DMC1: variants seen among roughly 807,000 people sequenced by gnomAD.
DMC1 encodes the protein DNA meiotic recombinase 1, also known as meiotic recombination protein DMC1 homolog.
DMC1 carries 27 observed loss-of-function variants against 50.1 expected under a neutral mutation model. That is an observed-to-expected ratio of 0.54 (90% CI 0.40 to 0.74). DMC1 has a LOEUF of 0.74. DMC1 is among the 30% of genes least tolerant of loss of function. DMC1 has a pLI of 0.00. For missense variants in DMC1, 295 were observed against 420.2 expected (o/e 0.70, Z 2.60); for synonymous variants, 148 against 136.1 (o/e 1.09, Z -0.61).
chr22:38,532,219 A>C (rs1302149892), intron 12 of DMC1, among the ~76,000 whole-genome samples: 1 of 152,240 alleles, frequency 6.6e-6, no homozygotes, highest in East Asian at 1.9e-4. Flanking sequence ...CCCATAAAAC[A>C]GAGATGATTG....
chr22:38,529,003 ATTTCTTTC>A (rs968824748), intron 12 of DMC1, among the ~76,000 whole-genome samples: 1 of 150,860 alleles, frequency 6.6e-6, no homozygotes, highest in African/African-American at 2.4e-5. Flanking sequence ...ATTTTCTTCT[ATTTCTTTC>A]TTTCTTTCTT....
intron 12 of DMC1, among the ~76,000 whole-genome samples, chr22:38,536,334 TAG>T (rs2090212599): frequency 6.6e-6 from 1 of 152,186 alleles, no homozygotes; most frequent in Non-Finnish European, 1.5e-5. Context: ...GGTGTGTATT[TAG>T]GATTATTTTG....
intron 12 of DMC1, among the ~76,000 whole-genome samples, chr22:38,526,530 C>G (rs906307932): frequency 2.0e-5 from 3 of 152,022 alleles, no homozygotes; most frequent in African/African-American, 7.3e-5. Context: ...CTTAACCTTT[C>G]TTGTAGGTCA....
In DMC1 at chr22:38,537,653, CT is replaced by C; in HGVS notation, c.776-2del. On this transcript the variant is annotated splice_acceptor_variant, in intron 11 of 13. Transcript: ENST00000216024. LOFTEE classifies it high-confidence loss of function. ...GTCACAAAAACAGCCACGTTATATT[CT>C]GCATCAAGAGATAAAATTTTAAAAC... 6.2e-7 allele frequency: 1 copy of C among 1,613,138 alleles called. No homozygotes were observed. The highest frequency in any genetic ancestry group is 8.5e-7 in the Non-Finnish European group (1 of 1,179,224).
In DMC1 at chr22:38,519,972, C is replaced by T. The variant is rs774663014; in HGVS notation, c.*48G>A. The T allele has an allele frequency of 6.0e-6, 9 of 1,487,640 alleles. No individual in the cohort carries two copies. In the East Asian group the frequency reaches 2.0e-4, roughly 34 times the overall value. 92.2% of individuals were successfully genotyped at this position (1,487,640 alleles called of 1,614,324 possible). On this transcript the variant is annotated 3_prime_UTR_variant, in exon 14 of 14. Transcript: ENST00000216024. Reference sequence around the variant, plus strand: ...GAAATTGGAGACTGCTTTTCCATTTCTTCAGCTCCTAATAAGCACTAAGAA... The same window carrying T: ...GAAATTGGAGACTGCTTTTCCATTTTTTCAGCTCCTAATAAGCACTAAGAA...
chr22:38,569,716 G>A (rs2090619149), intron 1 of DMC1, among the ~76,000 whole-genome samples: 1 of 152,228 alleles, frequency 6.6e-6, no homozygotes, highest in Non-Finnish European at 1.5e-5. Flanking sequence ...GTCCCCTCTG[G>A]TGGGGGCAGC....
At chr22:38,522,610 G>A (rs2090041297) in intron 12 of DMC1, among the ~76,000 whole-genome samples, 1 of 152,030 alleles carries the variant, frequency 6.6e-6, no homozygotes, top group Non-Finnish European at 1.5e-5. Context: ...TGTGGGCTTA[G>A]AAATCATCAA....
chr22:38,553,862 G>C (rs879913219), intron 6 of DMC1, among the ~76,000 whole-genome samples: 12 of 150,868 alleles, frequency 8.0e-5, no homozygotes, highest in Non-Finnish European at 1.3e-4. Flanking sequence ...GGGAGGCTGA[G>C]GCAGAATTGC....
chr22:38,521,564 C>T (rs1190180038), intron 13 of DMC1, 44 bp downstream of exon 13: 2 of 1,101,696 alleles, frequency 1.8e-6, no homozygotes, highest in Non-Finnish European at 2.7e-6. Flanking sequence ...CACACACACA[C>T]ACACACACAC....
chr22:38,522,773 C>G (rs1292396826), intron 12 of DMC1, among the ~76,000 whole-genome samples: 1 of 152,184 alleles, frequency 6.6e-6, no homozygotes, highest in Non-Finnish European at 1.5e-5. Context: ...CTCTAAGCTT[C>G]AGGCTTGGTA....
In DMC1 at chr22:38,538,629, T is replaced by C. The variant is rs754302372; in HGVS notation, c.587-17A>G. The C allele has an allele frequency of 1.2e-6, 2 of 1,606,698 alleles. No homozygotes were observed. The highest frequency in any genetic ancestry group is 2.2e-5 in the South Asian group (2 of 90,936). ...GATGTTCACCTGATGGGAAATGCAG[T>C]GAGAAAATGTTATAAAAGTTGAAAG... On this transcript the variant is annotated splice_polypyrimidine_tract_variant and intron_variant, in intron 9 of 13. Coordinates refer to ENST00000216024, the MANE Select transcript of DMC1 (RefSeq NM_007068.4).
chr22:38,523,442 C>T lies in DMC1; in HGVS notation c.837-1718G>A, dbSNP rs143506682. On this transcript the variant is annotated intron_variant, in intron 12 of 13. Transcript: ENST00000216024. ...CTTGAGACCCTGAGGATATTCTCAA[C>T]TGAGCTATGAACTCCGAGCCTGCAA... is the stretch of plus-strand genomic sequence containing the variant. 4.1e-3 allele frequency among the ~76,000 whole-genome samples: 623 copies of T among 152,316 alleles called. 1 individual carries two copies. Among genetic ancestry groups the T allele is most frequent in the Non-Finnish European group, 7.3e-3 (495 of 68,032 alleles).
rs369408282 is a variant in DMC1 at position 38,540,515 on chromosome 22, T to C, written c.495-1103A>G. On this transcript the variant is annotated intron_variant, in intron 8 of 13. Transcript: ENST00000216024. ...TCCCAACAATATGTCTGAAGTAAAATGAGGTAAAATTAAATGCATGTTTGT... is the reference window on the plus strand; with the variant it reads ...TCCCAACAATATGTCTGAAGTAAAACGAGGTAAAATTAAATGCATGTTTGT... Among the ~76,000 whole-genome samples, 78 of 152,302 alleles carry C rather than the reference T, an allele frequency of 5.1e-4. No individual in the cohort carries two copies. The East Asian group carries it at 5.2e-3, about 10-fold the overall frequency.
downstream of DMC1, among the ~76,000 whole-genome samples, chr22:38,516,854 G>T (rs1032550252): frequency 8.5e-5 from 13 of 152,088 alleles, no homozygotes; most frequent in African/African-American, 3.1e-4. Context: ...TTGAGACAGG[G>T]TCTCACTGTC....
chr22:38,557,472 G>A (rs1303461002), intron 5 of DMC1, among the ~76,000 whole-genome samples: 5 of 152,054 alleles, frequency 3.3e-5, no homozygotes, highest in Non-Finnish European at 5.9e-5. Context: ...TTGGGAGGCC[G>A]AGGGAGGTGG....
chr22:38,518,932 A>G (rs1234160206), downstream of DMC1: 2 of 152,542 alleles, frequency 1.3e-5, no homozygotes, highest in Non-Finnish European at 2.9e-5. Context: ...TAATTTTTAC[A>G]TATTTTCACC....
At chr22:38,517,676 T>G (rs2089985435), downstream of DMC1, among the ~76,000 whole-genome samples, 2 of 152,232 alleles carry the variant, frequency 1.3e-5, no homozygotes, top group African/African-American at 4.8e-5. Context: ...TAACAAAGCC[T>G]TCCTTTCCCT....
chr22:38,525,843 C>T (rs561343044), intron 12 of DMC1, among the ~76,000 whole-genome samples: 103 of 152,008 alleles, frequency 6.8e-4, no homozygotes, highest in Admixed American at 2.1e-3. Context: ...AGGAGGCTGA[C>T]GCAGGAAGAT....
At chr22:38,531,444 G>A (rs1197486889) in intron 12 of DMC1, among the ~76,000 whole-genome samples, 1 of 152,010 alleles carries the variant, frequency 6.6e-6, no homozygotes, top group Non-Finnish European at 1.5e-5. Context: ...GTGTACTTGC[G>A]GACTCATACC....
Sources: gnomAD v4.1 joint callset for allele counts (sites outside exome capture counted in the v4.1 genomes callset) on GRCh38, gnomAD v4.1.1 for gene constraint, MANE v1.5 for transcripts, NCBI Gene and HGNC (gene_info 2026-07-23, HGNC 2026-07-21) for gene names.